The following MS4A4E variants were observed in gnomAD, a reference collection of about 807,000 sequenced individuals.
MS4A4E encodes the protein membrane spanning 4-domains A4E, also known as putative membrane-spanning 4-domains subfamily A member 4E.
MS4A4E carries 23 observed loss-of-function variants against 13.3 expected under a neutral mutation model. That is an observed-to-expected ratio of 1.73 (90% CI 1.25 to 2.45). MS4A4E has a LOEUF of 2.45. Ranked by LOEUF, MS4A4E falls within the 30% of genes most tolerant of loss-of-function variation. MS4A4E has a pLI of 0.00. For missense variants in MS4A4E, 144 were observed against 131.2 expected, an observed-to-expected ratio of 1.10 and a Z score of -0.48; for synonymous variants, 36 against 45.6, an observed-to-expected ratio of 0.79 and a Z score of 0.85.
chr11:60,203,519 T>C (rs2084008394), intron 8 of MS4A4E, among the ~76,000 whole-genome samples: 1 of 152,102 alleles, frequency 6.6e-6, no homozygotes, highest in Non-Finnish European at 1.5e-5. Context: ...GAGGCCAAAG[T>C]GGGTGGATCG....
At chr11:60,214,295 G>GT (rs1448408915) in intron 4 of MS4A4E, among the ~76,000 whole-genome samples, 1 of 152,028 alleles carries the variant, frequency 6.6e-6, no homozygotes, top group East Asian at 1.9e-4. Flanking sequence ...AAGCTGCAGA[G>GT]TTTTTTTGAG....
rs529286375 is a variant in MS4A4E, at chr11:60,223,914, C to G, written c.178+4680G>C. Reference sequence around the variant, plus strand: ...TCCTTTTATATATATACACATCTATCCTATTAGTTATGTCCCTCTAGAGAA... The same window carrying G: ...TCCTTTTATATATATACACATCTATGCTATTAGTTATGTCCCTCTAGAGAA... On this transcript the variant is annotated intron_variant, in intron 3 of 8. Coordinates refer to ENST00000651255, the MANE Select transcript of MS4A4E (RefSeq NM_001393391.1). Among the ~76,000 whole-genome samples the G allele has an allele frequency of 2.0e-5, 3 of 152,238 alleles. No individual in the cohort carries two copies. In the South Asian group the frequency reaches 6.2e-4, roughly 32 times the overall value.
intron 1 of MS4A4E, among the ~76,000 whole-genome samples, chr11:60,240,159 A>G (rs756279982): frequency 6.6e-6 from 1 of 152,258 alleles, no homozygotes; most frequent in Non-Finnish European, 1.5e-5. Context: ...TAAAGGTAAC[A>G]GGAATGCTAA....
In MS4A4E at chr11:60,201,395, G is replaced by A. The variant is rs1243745756; in HGVS notation, c.*148C>T. 4 of 193,830 alleles carry A rather than the reference G, an allele frequency of 2.1e-5. No homozygotes were observed. Among genetic ancestry groups the A allele is most frequent in the East Asian group, 1.8e-4 (1 of 5,658 alleles). 12.0% of individuals were successfully genotyped at this position (193,830 alleles called of 1,614,324 possible). A position where few individuals can be genotyped will look rare whatever the true frequency, so the allele number is the denominator to read the frequency against. On this transcript the variant is annotated 3_prime_UTR_variant, in exon 9 of 9. Coordinates refer to ENST00000651255, the MANE Select transcript of MS4A4E (RefSeq NM_001393391.1). ...CGGAGGGGCTCCTCACTTCTCAGAC[G>A]GGGCGGTTGCCAGGCGGAGGGTCTC...
rs1249479489 is a variant in MS4A4E, at chr11:60,216,183, AT to A, written c.179-1570del. Among the ~76,000 whole-genome samples, 249 of 152,312 alleles carry A rather than the reference AT, an allele frequency of 1.6e-3. 3 individuals carry two copies. Among genetic ancestry groups the A allele is most frequent in the Non-Finnish European group, 1.2e-4 (8 of 68,022 alleles). On this transcript the variant is annotated intron_variant, in intron 3 of 8. Transcript: ENST00000651255. ...AAAAAGGGTTTTACCAATTTACTGC[AT>A]TTACCAATCTAGTTCAATGCCTACA...
chr11:60,224,110 C>G (rs1476610067), intron 3 of MS4A4E, among the ~76,000 whole-genome samples: 1 of 152,106 alleles, frequency 6.6e-6, no homozygotes, highest in Non-Finnish European at 1.5e-5. Flanking sequence ...ATAAACCCGC[C>G]TCATAAATTT....
At chr11:60,214,671 G>T (rs183375097) in intron 3 of MS4A4E, 57 bp from the exon 4 acceptor site, 1 of 1,180,454 alleles carries the variant, frequency 8.5e-7, no homozygotes, top group Non-Finnish European at 1.2e-6. Context: ...TTTTAAACAA[G>T]TATTGGAAAT....
intron 1 of MS4A4E, among the ~76,000 whole-genome samples, chr11:60,237,887 A>G (rs1041967553): frequency 2.6e-5 from 4 of 152,048 alleles, no homozygotes; most frequent in African/African-American, 9.7e-5. Flanking sequence ...TATTTTTATC[A>G]TAAAAAGTAT....
At chr11:60,217,763 G>A (rs947436115) in intron 3 of MS4A4E, among the ~76,000 whole-genome samples, 4 of 152,060 alleles carry the variant, frequency 2.6e-5, no homozygotes, top group East Asian at 1.9e-4. Context: ...TCCTATGCCC[G>A]TCTTTACTTT....
Position 60,208,642 on chromosome 11 carries a change from A to G in MS4A4E, c.434T>C (p.Val145Ala). 3.4e-6 allele frequency: 5 copies of G among 1,483,098 alleles called. No homozygotes were observed. Among genetic ancestry groups the G allele is most frequent in the Non-Finnish European group, 4.7e-6 (5 of 1,068,274 alleles). 91.9% of individuals were successfully genotyped at this position (1,483,098 alleles called of 1,614,324 possible). ...LLSVLEFCIAVALSAFGCKVL... is the reference protein window; with the variant it reads ...LLSVLEFCIAAALSAFGCKVL... Reference sequence around the variant, plus strand: ...TTTACATCCAAAGGCAGAGAGGGCCACAGCAATGCAGAATTCCAGCACACT... The same window carrying G: ...TTTACATCCAAAGGCAGAGAGGGCCGCAGCAATGCAGAATTCCAGCACACT... Residue 145 changes from valine to alanine, a missense_variant, in exon 6 of 9, where the codon GTG becomes GCG. By Grantham distance (64) the Val-to-Ala change is moderately conservative. Transcript: ENST00000651255.
intron 6 of MS4A4E, 46 bp downstream of exon 6, chr11:60,208,547 A>T (rs1252197756): frequency 1.0e-5 from 7 of 693,316 alleles, no homozygotes; most frequent in African/African-American, 1.8e-5. Flanking sequence ...ATTATACAGC[A>T]ATACAAAAGT....
At chr11:60,229,205 C>T (rs1384616123) in intron 2 of MS4A4E, among the ~76,000 whole-genome samples, 2 of 152,306 alleles carry the variant, frequency 1.3e-5, no homozygotes, top group Non-Finnish European at 2.9e-5. Context: ...CTAAAACATA[C>T]AGTATATTTT....
At chr11:60,219,425 G>T (rs1431840665) in intron 3 of MS4A4E, among the ~76,000 whole-genome samples, 1 of 143,298 alleles carries the variant, frequency 7.0e-6, no homozygotes, top group African/African-American at 2.6e-5. Context: ...TAGAGCTCTG[G>T]TATTGGCTAA....
At chr11:60,225,130 CA>C (rs1461907065) in intron 3 of MS4A4E, 1 of 1,462,356 alleles carries the variant, frequency 6.8e-7, no homozygotes, top group African/African-American at 1.4e-5. Context: ...TTATCCACCA[CA>C]AAAATGGTGC....
At chr11:60,230,322 G>A (rs1161862800) in intron 1 of MS4A4E, among the ~76,000 whole-genome samples, 2 of 151,982 alleles carry the variant, frequency 1.3e-5, no homozygotes, top group Non-Finnish European at 2.9e-5. Context: ...CAGAAGTGAG[G>A]TAAATTAGAG....
intron 1 of MS4A4E, among the ~76,000 whole-genome samples, chr11:60,235,835 C>A (rs1051602400): frequency 8.5e-5 from 13 of 152,112 alleles, no homozygotes; most frequent in African/African-American, 2.4e-4. Flanking sequence ...TTGTGTTCTG[C>A]TCACAGGATG....
At chr11:60,219,500 T>C (rs965761093) in intron 3 of MS4A4E, among the ~76,000 whole-genome samples, 1 of 152,176 alleles carries the variant, frequency 6.6e-6, no homozygotes, top group Non-Finnish European at 1.5e-5. Context: ...TTAATTTACA[T>C]AAGCAGAAAA....
At chr11:60,227,296 A>C (rs1367981848) in intron 3 of MS4A4E, among the ~76,000 whole-genome samples, 1 of 152,142 alleles carries the variant, frequency 6.6e-6, no homozygotes, top group Non-Finnish European at 1.5e-5. Flanking sequence ...TCACCCCTGT[A>C]ATCCCAGCAC....
intron 8 of MS4A4E, among the ~76,000 whole-genome samples, chr11:60,203,000 T>G (rs911159144): frequency 6.6e-6 from 1 of 152,186 alleles, no homozygotes; most frequent in African/African-American, 2.4e-5. Context: ...TTAATGAAAA[T>G]TACCGATTTT....
Sources: gnomAD v4.1 joint callset for allele counts (sites outside exome capture counted in the v4.1 genomes callset) on GRCh38, gnomAD v4.1.1 for gene constraint, MANE v1.5 for transcripts, NCBI Gene and HGNC (gene_info 2026-07-23, HGNC 2026-07-21) for gene names.